LDB2: variants seen among roughly 807,000 people sequenced by gnomAD.
The protein encoded by LDB2 is LIM domain-binding protein 2.
A neutral mutation model predicts 44.3 loss-of-function variants in LDB2; 12 were observed. That is an observed-to-expected ratio of 0.27 (90% confidence interval 0.17 to 0.44). The LOEUF (loss-of-function observed/expected upper bound fraction) is 0.44. Among genes scored for constraint, LDB2 ranks in the 20% least tolerant of loss-of-function variants. The pLI is 1.00. For missense variants in LDB2, 344 were observed against 473.5 expected (o/e 0.73, Z 2.54); for synonymous variants, 164 against 174.8 (o/e 0.94, Z 0.49).
At chr4:16,551,341 C>T (rs1261446107) in intron 5 of LDB2, among the ~76,000 whole-genome samples, 1 of 152,080 alleles carries the variant, frequency 6.6e-6, no homozygotes, top group African/African-American at 2.4e-5. Flanking sequence ...TTAAGGAAAA[C>T]TGTATCTTAA....
chr4:16,691,180 G>A (rs2152596703), intron 2 of LDB2, among the ~76,000 whole-genome samples: 1 of 152,148 alleles, frequency 6.6e-6, no homozygotes, highest in South Asian at 2.1e-4. Flanking sequence ...TTCTAATCCA[G>A]GGCTGCTTGC....
At chr4:16,713,489 A>G (rs1276105381) in intron 2 of LDB2, among the ~76,000 whole-genome samples, 2 of 152,232 alleles carry the variant, frequency 1.3e-5, no homozygotes, top group African/African-American at 4.8e-5. Context: ...AAAGGATTCT[A>G]GGCTTACAAG....
At chr4:16,702,732 A>T (rs1187151389) in intron 2 of LDB2, among the ~76,000 whole-genome samples, 1 of 152,152 alleles carries the variant, frequency 6.6e-6, no homozygotes, top group African/African-American at 2.4e-5. Context: ...CAGTCCCACC[A>T]GCCTTTGCAG....
At chr4:16,503,947 G>C (rs1026119770) in intron 7 of LDB2, among the ~76,000 whole-genome samples, 1 of 152,196 alleles carries the variant, frequency 6.6e-6, no homozygotes, top group African/African-American at 2.4e-5. Context: ...ATATGGGGTT[G>C]ATGAGGGACC....
chr4:16,786,865 C>A (rs1408184548), intron 1 of LDB2, among the ~76,000 whole-genome samples: 4 of 152,166 alleles, frequency 2.6e-5, no homozygotes, highest in African/African-American at 7.2e-5. Context: ...CTAAGCCCTG[C>A]ACACTCTATT....
chr4:16,502,759 CGTCCATGCCGTT>C lies in LDB2; in HGVS notation c.994_1005del (p.Asn332_Asp335del), dbSNP rs1717861445. On this transcript the variant is annotated inframe_deletion, in exon 8 of 8. Coordinates refer to ENST00000304523, the MANE Select transcript of LDB2 (RefSeq NM_001290.5). ...GGTGAATTGTTGAAGTCCTCCTCGT[CGTCCATGCCGTT>C]GGCCGCATCATATTGCGTGTTTTCT... is the stretch of plus-strand genomic sequence containing the variant. 6.2e-7 allele frequency: 1 copy of C among 1,613,854 alleles called. No individual in the cohort carries two copies. Among genetic ancestry groups the C allele is most frequent in the Admixed American group, 1.7e-5 (1 of 59,990 alleles).
At chr4:16,567,814 A>T (rs1745102107) in intron 5 of LDB2, among the ~76,000 whole-genome samples, 1 of 152,190 alleles carries the variant, frequency 6.6e-6, no homozygotes. Context: ...ATTTTTACAC[A>T]CTTTGGATTT....
intron 2 of LDB2, among the ~76,000 whole-genome samples, chr4:16,689,564 T>A (rs1005593398): frequency 4.6e-5 from 7 of 152,228 alleles, no homozygotes; most frequent in African/African-American, 1.7e-4. Flanking sequence ...CTGGTAGGCC[T>A]GGGTTCAAAT....
At chr4:16,589,297 A>G (rs2152430593) in intron 3 of LDB2, among the ~76,000 whole-genome samples, 1 of 152,298 alleles carries the variant, frequency 6.6e-6, no homozygotes, top group African/African-American at 2.4e-5. Context: ...TGACTGGAGG[A>G]AGTTTTTATT....
At chr4:16,796,529 C>T (rs989635023) in intron 1 of LDB2, among the ~76,000 whole-genome samples, 14 of 152,176 alleles carry the variant, frequency 9.2e-5, no homozygotes, top group Non-Finnish European at 1.8e-4. Context: ...AGATGAGACA[C>T]ATTTCCCATG....
chr4:16,856,645 G>C (rs945016296), intron 1 of LDB2, among the ~76,000 whole-genome samples: 7 of 152,112 alleles, frequency 4.6e-5, no homozygotes, highest in African/African-American at 1.7e-4. Context: ...TGTATGTTCT[G>C]TAACTCTGTA....
At position 16,651,168 on chromosome 4, in the gene LDB2, G is replaced by C. The variant is rs1278066666; in HGVS notation, c.236-55293C>G. 2.0e-5 allele frequency: 3 copies of C among 152,092 alleles called. No individual in the cohort carries two copies. The East Asian group carries it at 5.8e-4, about 29-fold the overall frequency. The allele number at this position is 152,092 out of a possible 1,614,324, so 9.4% of individuals were successfully genotyped here. On this transcript the variant is annotated intron_variant, in intron 2 of 7. Transcript: ENST00000304523. ...CACTTTCTTTTTAACTTCTCACCTGGGATCACTCATCCATTCACTCCATAG... is the reference window on the plus strand; with the variant it reads ...CACTTTCTTTTTAACTTCTCACCTGCGATCACTCATCCATTCACTCCATAG...
rs180934658 is a variant in LDB2, at chr4:16,743,177, C to A, written c.235+15981G>T. On this transcript the variant is annotated intron_variant, in intron 2 of 7. Transcript: ENST00000304523. ...TGGTGATGCAAGCCTGTAATCCCAG[C>A]TACTCAGGAGGCTGAGGCATGAGAA... Among the ~76,000 whole-genome samples the A allele has an allele frequency of 7.9e-5, 12 of 152,254 alleles. 1 individual carries two copies. The East Asian group carries it at 2.3e-3, about 29-fold the overall frequency.
chr4:16,723,450 G>T (rs939015517), intron 2 of LDB2, among the ~76,000 whole-genome samples: 3 of 152,232 alleles, frequency 2.0e-5, no homozygotes, highest in African/African-American at 7.2e-5. Context: ...CCATTGGTGA[G>T]GGTACAGCCC....
chr4:16,515,297 G>C (rs1023954761), intron 5 of LDB2, among the ~76,000 whole-genome samples: 7 of 152,080 alleles, frequency 4.6e-5, no homozygotes, highest in African/African-American at 1.4e-4. Flanking sequence ...CAGGAGGGAG[G>C]GTTGAAAAAC....
intron 1 of LDB2, among the ~76,000 whole-genome samples, chr4:16,854,728 GTATATATA>G (rs4065068): frequency 4.0e-5 from 6 of 149,076 alleles, no homozygotes; most frequent in African/African-American, 1.5e-4. Flanking sequence ...TATTATGTGT[GTATATATA>G]TATATAACTA....
At chr4:16,739,587 AAAATATATAT>A (rs1762562615) in intron 2 of LDB2, among the ~76,000 whole-genome samples, 1 of 65,380 alleles carries the variant, frequency 1.5e-5, no homozygotes, top group Non-Finnish European at 2.8e-5. Context: ...AAAAAAAAAA[AAAATATATAT>A]ATATATATAT....
intron 2 of LDB2, among the ~76,000 whole-genome samples, chr4:16,690,819 T>C (rs1750591289): frequency 6.6e-6 from 1 of 152,242 alleles, no homozygotes; most frequent in Admixed American, 6.5e-5. Flanking sequence ...GGTAAACTTC[T>C]TAAACCTTAA....
intron 1 of LDB2, among the ~76,000 whole-genome samples, chr4:16,797,510 C>T (rs569274870): frequency 6.6e-6 from 1 of 152,082 alleles, no homozygotes; most frequent in African/African-American, 2.4e-5. Flanking sequence ...GATGTCTTTA[C>T]TATCTGACTT....
Sources: allele counts gnomAD v4.1 joint callset (sites outside exome capture counted in the v4.1 genomes callset), GRCh38; gene constraint gnomAD v4.1.1; transcripts MANE v1.5; gene names NCBI Gene and HGNC (gene_info 2026-07-23, HGNC 2026-07-21).